The following PTPN9 variants were observed in gnomAD, a reference collection of about 807,000 sequenced individuals.
PTPN9 encodes the protein protein tyrosine phosphatase non-receptor type 9, also known as tyrosine-protein phosphatase non-receptor type 9.
A neutral mutation model predicts 69.8 loss-of-function variants in PTPN9; 26 were observed. The ratio of observed to expected loss-of-function variants is 0.37; its 90% CI spans 0.27 to 0.52. The LOEUF is 0.52. PTPN9 is among the 20% of genes least tolerant of loss of function. The pLI is 0.91. For synonymous variants in PTPN9, 274 were observed against 272.5 expected (o/e 1.01, Z -0.05); for missense variants, 549 against 740.3 (o/e 0.74, Z 3.00).
intron 3 of PTPN9, 52 bp downstream of exon 3, chr15:75,524,157 A>C (rs932401618): frequency 8.6e-6 from 8 of 933,510 alleles, no homozygotes; most frequent in African/African-American, 8.4e-5. Flanking sequence ...ACAGGACACC[A>C]GTTAAAAAAG....
At chr15:75,488,670 T>G (rs1415967496) in intron 8 of PTPN9, among the ~76,000 whole-genome samples, 1 of 152,150 alleles carries the variant, frequency 6.6e-6, no homozygotes, top group Non-Finnish European at 1.5e-5. Flanking sequence ...GGCGTGTGCC[T>G]GTAGTCTCAG....
intron 6 of PTPN9, among the ~76,000 whole-genome samples, chr15:75,506,390 C>G (rs1247467793): frequency 6.6e-6 from 1 of 152,162 alleles, no homozygotes; most frequent in Non-Finnish European, 1.5e-5. Context: ...ACCCCATACT[C>G]AGACAACCAA....
intron 1 of PTPN9, among the ~76,000 whole-genome samples, chr15:75,575,186 G>C (rs973800430): frequency 2.7e-5 from 1 of 36,914 alleles, no homozygotes; most frequent in African/African-American, 2.9e-4. Context: ...TGTTAGCCAG[G>C]ATGGTCTCGA....
chr15:75,558,581 C>A (rs1450007351), intron 1 of PTPN9, among the ~76,000 whole-genome samples: 1 of 152,162 alleles, frequency 6.6e-6, no homozygotes, highest in African/African-American at 2.4e-5. Flanking sequence ...GACGCCGAGC[C>A]GAAGCTGGAC....
intron 1 of PTPN9, among the ~76,000 whole-genome samples, chr15:75,554,656 C>G (rs1595969081): frequency 3.3e-5 from 5 of 152,184 alleles, no homozygotes; most frequent in Admixed American, 3.3e-4. Context: ...CCAAAAAGGC[C>G]CTCAGATAAA....
At chr15:75,482,865 G>A (rs1378496640) in intron 8 of PTPN9, among the ~76,000 whole-genome samples, 1 of 151,750 alleles carries the variant, frequency 6.6e-6, no homozygotes, top group Non-Finnish European at 1.5e-5. Context: ...TGAGGCAGGA[G>A]AATGGCATAA....
At position 75,468,674 on chromosome 15, in the gene PTPN9, A is replaced by G. The variant is rs2074548167; in HGVS notation, c.*95T>C. 1 of 1,085,396 alleles carries G rather than the reference A, an allele frequency of 9.2e-7. No individual in the cohort carries two copies. The highest frequency in any genetic ancestry group is 1.4e-5 in the South Asian group (1 of 69,374). The allele number at this position is 1,085,396 out of a possible 1,614,324, so 67.2% of individuals were successfully genotyped here. ...GGAGACACAAGAAAGAAGTTGATCC[A>G]TGGCTTCAGCGTAACTGATGGCAAC... On this transcript the variant is annotated 3_prime_UTR_variant, in exon 13 of 13. Transcript: ENST00000618819.
At chr15:75,502,990 C>T (rs2074782245) in intron 7 of PTPN9, among the ~76,000 whole-genome samples, 1 of 152,236 alleles carries the variant, frequency 6.6e-6, no homozygotes, top group South Asian at 2.1e-4. Flanking sequence ...TCACTACAAC[C>T]TCCATCTCCC....
Position 75,466,087 on chromosome 15 carries a change from G to C in PTPN9, c.*2682C>G, listed in dbSNP as rs2074535369. On this transcript the variant is annotated 3_prime_UTR_variant, in exon 13 of 13. Coordinates refer to ENST00000618819, the MANE Select transcript of PTPN9 (RefSeq NM_002833.4). The stretch of plus-strand genomic sequence containing the variant: ...TGGCAGATCAGAAGATGGATCCTTA[G>C]AGGAAGTCTAGTGTAAGAGGTGAAA... The C allele has an allele frequency of 1.3e-5, 2 of 152,272 alleles. No homozygotes were observed. 9.4% of individuals were successfully genotyped at this position (152,272 alleles called of 1,614,324 possible). A position where few individuals can be genotyped will look rare whatever the true frequency, so the allele number is the denominator to read the frequency against.
At chr15:75,549,980 A>C (rs1176580334) in intron 1 of PTPN9, among the ~76,000 whole-genome samples, 42 of 136,162 alleles carry the variant, frequency 3.1e-4, no homozygotes, top group South Asian at 4.7e-4. Context: ...GTCTACCCCC[A>C]CCCCCACCAA....
chr15:75,515,443 A>AG (rs1184587889), intron 5 of PTPN9, among the ~76,000 whole-genome samples: 1 of 151,558 alleles, frequency 6.6e-6, no homozygotes, highest in African/African-American at 2.4e-5. Context: ...AAAAAAAAAA[A>AG]AAAGAAATCT....
chr15:75,524,249 G>A lies in PTPN9; in HGVS notation c.257C>T (p.Pro86Leu). 1 of 1,612,698 alleles carries A rather than the reference G, an allele frequency of 6.2e-7. No homozygotes were observed. The highest frequency in any genetic ancestry group is 1.1e-5 in the South Asian group (1 of 91,030). The change falls in exon 3 of 13, where the codon CCT becomes CTT. Residue 86 changes from proline to leucine, a missense_variant. This residue lies in a region of PTPN9 where 457 missense variants were observed against 661.9 expected (regional missense o/e 0.69). Coordinates refer to ENST00000618819, the MANE Select transcript of PTPN9 (RefSeq NM_002833.4). ...GIVKLKPHEE[P>L]LRSEILSGKF... ...TCCACTGAGGATCTCAGAACGAAGA[G>A]GTTCCTCATGAGGTTTCAGCTTTAC...
chr15:75,539,465 G>A (rs565894909), intron 1 of PTPN9, among the ~76,000 whole-genome samples: 1 of 146,944 alleles, frequency 6.8e-6, no homozygotes, highest in East Asian at 2.1e-4. Context: ...AGGCGTACCT[G>A]CCTACTTTTT....
chr15:75,489,316 C>CT (rs2074696702), intron 8 of PTPN9, among the ~76,000 whole-genome samples: 1 of 151,854 alleles, frequency 6.6e-6, no homozygotes, highest in South Asian at 2.1e-4. Flanking sequence ...GTTAGACTGA[C>CT]TCAAAAATTG....
intron 1 of PTPN9, among the ~76,000 whole-genome samples, chr15:75,540,940 G>A (rs1174362470): frequency 6.6e-6 from 1 of 151,726 alleles, no homozygotes; most frequent in African/African-American, 2.4e-5. Context: ...TTAGCCAGGT[G>A]TGGTGGTGCA....
rs370185502 is a variant in PTPN9 at position 75,522,670 on chromosome 15, GC to G, written c.422+450del. Among the ~76,000 whole-genome samples the G allele has an allele frequency of 2.8e-4, 43 of 152,224 alleles. 1 individual carries two copies. Among genetic ancestry groups the G allele is most frequent in the East Asian group, 1.5e-3 (8 of 5,186 alleles). On this transcript the variant is annotated intron_variant, in intron 4 of 12. Coordinates refer to ENST00000618819, the MANE Select transcript of PTPN9 (RefSeq NM_002833.4). ...TCCACCTGCTTCAGCCTCCCAAAGT[GC>G]TGGGATTACAGGTGTGAGCCACTGC...
chr15:75,543,680 A>G (rs1158246564), intron 1 of PTPN9, among the ~76,000 whole-genome samples: 1 of 152,216 alleles, frequency 6.6e-6, no homozygotes, highest in Non-Finnish European at 1.5e-5. Flanking sequence ...AATATTTTCC[A>G]TATTCCTTTC....
chr15:75,559,390 A>T (rs2075093485), intron 1 of PTPN9, among the ~76,000 whole-genome samples: 1 of 152,182 alleles, frequency 6.6e-6, no homozygotes, highest in South Asian at 2.1e-4. Context: ...GTGTAGAAAG[A>T]AGTAGACATG....
At chr15:75,486,897 G>C (rs1410333888) in intron 8 of PTPN9, among the ~76,000 whole-genome samples, 8 of 148,226 alleles carry the variant, frequency 5.4e-5, no homozygotes, top group Non-Finnish European at 8.9e-5. Context: ...CCATTCTCCT[G>C]CCTCGGCCTC....
Sources: allele counts gnomAD v4.1 joint callset (sites outside exome capture counted in the v4.1 genomes callset), GRCh38; gene constraint gnomAD v4.1.1; regional missense constraint gnomAD v4.1.1; transcripts MANE v1.5; gene names NCBI Gene and HGNC (gene_info 2026-07-23, HGNC 2026-07-21).